Variants in STRBP observed in about 807,000 individuals in gnomAD.
STRBP encodes spermatid perinuclear RNA binding protein, also known as spermatid perinuclear RNA-binding protein.
STRBP carries 13 observed loss-of-function variants against 80.1 expected under a neutral mutation model. That is an observed-to-expected ratio of 0.16 (90% CI 0.11 to 0.26). The LOEUF (loss-of-function observed/expected upper bound fraction) is 0.26, where lower values mean the gene tolerates loss of function less well. STRBP is among the 10% of genes least tolerant of loss of function. The pLI, the probability that STRBP is intolerant of heterozygous loss-of-function variation, is 1.00. For missense variants in STRBP, 485 were observed against 815.2 expected (o/e 0.59, Z 4.93); for synonymous variants, 284 against 291.2 (o/e 0.98, Z 0.25).
intron 6 of STRBP, among the ~76,000 whole-genome samples, chr9:123,167,563 A>G (rs993524259): frequency 1.3e-5 from 2 of 152,184 alleles, no homozygotes; most frequent in Non-Finnish European, 2.9e-5. Flanking sequence ...CCAAGTTAGA[A>G]AAAACGAGCA....
intron 13 of STRBP, among the ~76,000 whole-genome samples, chr9:123,143,537 A>C (rs1014562060): frequency 6.6e-6 from 1 of 152,280 alleles, no homozygotes; most frequent in Non-Finnish European, 1.5e-5. Flanking sequence ...CGTTAGATGC[A>C]AAATTCTTTC....
chr9:123,179,313 C>T (rs969758741), intron 3 of STRBP, 86 bp from the exon 4 acceptor site: 1 of 1,123,342 alleles, frequency 8.9e-7, no homozygotes, highest in Non-Finnish European at 1.3e-6. Context: ...TTTAGCCAAC[C>T]CATAGCACTG....
chr9:123,154,622 A>C (rs935552923), intron 11 of STRBP, among the ~76,000 whole-genome samples: 1 of 152,126 alleles, frequency 6.6e-6, no homozygotes, highest in Admixed American at 6.5e-5. Flanking sequence ...GCTATATCTC[A>C]TTATAAAATA....
chr9:123,198,985 G>T (rs113568240), intron 2 of STRBP, among the ~76,000 whole-genome samples: 2 of 151,990 alleles, frequency 1.3e-5, no homozygotes, highest in Non-Finnish European at 2.9e-5. Flanking sequence ...TGACTCTGTC[G>T]CCAGGCTGGA....
At chr9:123,245,623 C>T (rs750566145) in intron 1 of STRBP, among the ~76,000 whole-genome samples, 9 of 152,116 alleles carry the variant, frequency 5.9e-5, no homozygotes, top group South Asian at 2.1e-4. Flanking sequence ...ACTCGTGATC[C>T]GCCCTCCTCA....
intron 2 of STRBP, among the ~76,000 whole-genome samples, chr9:123,234,292 G>C (rs2040487055): frequency 6.6e-6 from 1 of 150,622 alleles, no homozygotes; most frequent in Non-Finnish European, 1.5e-5. Flanking sequence ...AATTAGATAG[G>C]CTAATTCAAA....
intron 7 of STRBP, 145 bp from the exon 8 acceptor site, chr9:123,160,607 T>C (rs1353907257): frequency 5.7e-6 from 3 of 524,588 alleles, no homozygotes; most frequent in Non-Finnish European, 9.2e-6. Context: ...GTAGTAAAAT[T>C]AAGGCTTAAA....
At chr9:123,203,889 T>C (rs566728316) in intron 2 of STRBP, among the ~76,000 whole-genome samples, 1 of 152,214 alleles carries the variant, frequency 6.6e-6, no homozygotes, top group South Asian at 2.1e-4. Context: ...GGAGAACTGC[T>C]TGAACCCAGG....
intron 1 of STRBP, among the ~76,000 whole-genome samples, chr9:123,244,985 C>T (rs1244255888): frequency 1.3e-5 from 2 of 152,320 alleles, no homozygotes; most frequent in Admixed American, 6.5e-5. Context: ...AAGGAACAAA[C>T]TACTGACACA....
chr9:123,132,013 A>G (rs569300376), intron 17 of STRBP, among the ~76,000 whole-genome samples: 11 of 152,340 alleles, frequency 7.2e-5, no homozygotes, highest in African/African-American at 2.6e-4. Context: ...CTATACTTTC[A>G]ATATTGTGAA....
At chr9:123,150,797 C>T (rs894958417) in intron 11 of STRBP, among the ~76,000 whole-genome samples, 4 of 152,104 alleles carry the variant, frequency 2.6e-5, no homozygotes, top group African/African-American at 9.7e-5. Context: ...ACCCCCCACA[C>T]ACTGGGTTGG....
chr9:123,252,471 G>C (rs1322385522), intron 1 of STRBP, among the ~76,000 whole-genome samples: 1 of 152,208 alleles, frequency 6.6e-6, no homozygotes, highest in Non-Finnish European at 1.5e-5. Context: ...GCTGGTTTCA[G>C]AGAGAATGAA....
intron 2 of STRBP, among the ~76,000 whole-genome samples, chr9:123,116,604 G>C (rs1189532027): frequency 6.6e-6 from 1 of 152,178 alleles, no homozygotes; most frequent in African/African-American, 2.4e-5. Flanking sequence ...GGAGATGTGG[G>C]TTGGTTTTTG....
chr9:123,178,071 T>C lies in STRBP; in HGVS notation c.224+936A>G, dbSNP rs961137907. On this transcript the variant is annotated intron_variant, in intron 4 of 18. Transcript: ENST00000348403. ...ACTGCCTGTAAATAGTTTAAAAAAA[T>C]TGTGCTCTTCAGCAATAAAACTGAC... is the stretch of plus-strand genomic sequence containing the variant. Among the ~76,000 whole-genome samples, 17 of 152,274 alleles carry C rather than the reference T, an allele frequency of 1.1e-4. 1 individual carries two copies. The highest frequency in any genetic ancestry group is 9.2e-4 in the Admixed American group (14 of 15,300).
intron 5 of STRBP, 93 bp downstream of exon 5, chr9:123,173,584 C>A (rs1265862024): frequency 2.2e-6 from 3 of 1,344,336 alleles, no homozygotes; most frequent in Non-Finnish European, 2.0e-6. Flanking sequence ...ATCCTATTAG[C>A]TATTAGCAAT....
At chr9:123,131,268 TCTC>T (rs1184857299) in intron 17 of STRBP, among the ~76,000 whole-genome samples, 1 of 152,196 alleles carries the variant, frequency 6.6e-6, no homozygotes, top group African/African-American at 2.4e-5. Context: ...TTGTCACTAT[TCTC>T]CTAAGAACCC....
In STRBP at chr9:123,258,458, T is replaced by A. The variant is rs929803443; in HGVS notation, c.-302+9978A>T. Among the ~76,000 whole-genome samples the A allele has an allele frequency of 3.3e-5, 5 of 152,186 alleles. No individual in the cohort carries two copies. In the East Asian group the frequency reaches 9.6e-4, roughly 29 times the overall value. ...CTGAAAAACTGCATTCTGGACAGGGTAAACAACAAGTGCAAAGGACCTGAG... is the reference window on the plus strand; with the variant it reads ...CTGAAAAACTGCATTCTGGACAGGGAAAACAACAAGTGCAAAGGACCTGAG... On this transcript the variant is annotated intron_variant, in intron 1 of 18. Transcript: ENST00000348403.
At chr9:123,234,995 TTGG>T (rs2040509540) in intron 2 of STRBP, among the ~76,000 whole-genome samples, 1 of 89,788 alleles carries the variant, frequency 1.1e-5, no homozygotes, top group South Asian at 6.1e-4. Context: ...GGCTTTTTTT[TTGG>T]GGGGGGGGGG....
At chr9:123,120,747 C>A (rs1400114655), downstream of STRBP, among the ~76,000 whole-genome samples, 3 of 152,074 alleles carry the variant, frequency 2.0e-5, no homozygotes, top group East Asian at 5.8e-4. Context: ...GTTATGAATT[C>A]ATTTCATTAC....
Sources: allele counts gnomAD v4.1 joint callset (sites outside exome capture counted in the v4.1 genomes callset), GRCh38; gene constraint gnomAD v4.1.1; transcripts MANE v1.5; gene names NCBI Gene and HGNC (gene_info 2026-07-23, HGNC 2026-07-21).